SPO11: variants seen among roughly 807,000 people sequenced by gnomAD.
SPO11 encodes the protein meiotic recombination protein SPO11.
Under a neutral mutation model 51.6 loss-of-function variants are expected in SPO11, and 49 were observed. That is an observed-to-expected ratio of 0.95 (90% CI 0.75 to 1.20). The LOEUF is 1.20. Among genes scored for constraint, SPO11 ranks in the 50% most tolerant of loss-of-function variants. The probability of loss-of-function intolerance (pLI) is 0.00; values close to 1 mark genes in which losing one functional copy is unlikely to be tolerated. For missense variants in SPO11, 431 were observed against 473.4 expected (o/e 0.91, Z 0.83); for synonymous variants, 176 against 158.2 (o/e 1.11, Z -0.84).
chr20:57,342,958 A>C (rs2236330), intron 12 of SPO11, 118 bp downstream of exon 12: 10 of 713,338 alleles, frequency 1.4e-5, no homozygotes, highest in South Asian at 7.4e-5. Context: ...CACGACTAAC[A>C]TAAGTGTTGT....
chr20:57,335,880 C>A lies in SPO11; in HGVS notation c.717C>A (p.Asn239Lys). The A allele has an allele frequency of 6.2e-7, 1 of 1,609,460 alleles. No homozygotes were observed. Among genetic ancestry groups the A allele is most frequent in the Non-Finnish European group, 8.5e-7 (1 of 1,176,450 alleles). ...GGCTCCTAGATGACAACTTTTGCAA[C>A]AAATTGTCTCCTTGCATCATGATTA... is the stretch of plus-strand genomic sequence containing the variant. ...FQRLLDDNFC[N>K]KLSPCIMITG... The change falls in exon 8 of 13, where the codon AAC (asparagine) becomes AAA (lysine). Residue 239 changes from asparagine (N) to lysine (K), a missense_variant. Physicochemically the swap from Asn to Lys is moderately conservative, Grantham distance 94 (BLOSUM62 0). This residue lies in a region of SPO11 where 405 missense variants were observed against 425.9 expected (regional missense o/e 0.95). Transcript: ENST00000371263.
Position 57,333,988 on chromosome 20 carries a change from GAC to G in SPO11, c.405_406del (p.Tyr137LeufsTer3). The G allele has an allele frequency of 6.6e-7, 1 of 1,520,096 alleles. No homozygotes were observed. Among genetic ancestry groups the G allele is most frequent in the East Asian group, 2.3e-5 (1 of 43,874 alleles). 94.2% of individuals were successfully genotyped at this position (1,520,096 alleles called of 1,614,324 possible). On this transcript the variant is annotated frameshift_variant and splice_region_variant, in exon 5 of 13. Coordinates refer to ENST00000371263, the MANE Select transcript of SPO11 (RefSeq NM_012444.3). LOFTEE classifies it high-confidence loss of function. Reference protein sequence around the residue: ...VQSNTYATKRDIYYTDSQLFG... With the variant: ...VQSNTYATKRXIYYTDSQLFG... ...AATATGTATTTTAAATTTTCATAGG[GAC>G]ATATATTACACTGACAGTCAACTCT... is the stretch of plus-strand genomic sequence containing the variant.
At chr20:57,334,155 ATTT>A (rs72486602) in intron 5 of SPO11, 60 bp downstream of exon 5, 1,735 of 547,968 alleles carry the variant, frequency 3.2e-3, no homozygotes, top group African/African-American at 0.011. Flanking sequence ...ATAAAACATA[ATTT>A]TTTTTTTTTT....
In SPO11 at chr20:57,331,921, A is replaced by C; in HGVS notation, c.220A>C (p.Asn74His). 2 of 1,598,040 alleles carry C rather than the reference A, an allele frequency of 1.3e-6. No homozygotes were observed. The highest frequency in any genetic ancestry group is 1.7e-4 in the Middle Eastern group (1 of 6,006). Residue 74 changes from asparagine to histidine, a missense_variant, in exon 2 of 13, where the codon AAC becomes CAC. Around this residue, in one of 3 missense-constraint regions of SPO11, gnomAD observed 405 missense variants for 425.9 expected, o/e 0.95. Transcript: ENST00000371263. ...RNEAPAFTIDNRSSWENIKFE... is the reference protein window; with the variant it reads ...RNEAPAFTIDHRSSWENIKFE... ...TGAAGCACCTGCATTCACGATAGAC[A>C]ACAGATCAAGCTGGGAAAACATAAA...
chr20:57,342,590 C>T (rs2066595862), intron 11 of SPO11, 139 bp from the exon 12 acceptor site: 9 of 593,108 alleles, frequency 1.5e-5, no homozygotes, highest in Non-Finnish European at 2.1e-5. Context: ...CCCTTCAATC[C>T]TGGATGTAAG....
intron 12 of SPO11, among the ~76,000 whole-genome samples, chr20:57,343,091 G>A (rs2066603298): frequency 6.6e-6 from 1 of 152,030 alleles, no homozygotes; most frequent in South Asian, 2.1e-4. Context: ...CTGTATCATA[G>A]TTTGTGGGAT....
intron 6 of SPO11, 90 bp from the exon 7 acceptor site, chr20:57,335,329 C>T: frequency 1.8e-6 from 2 of 1,118,960 alleles, no homozygotes; most frequent in East Asian, 2.5e-5. Flanking sequence ...CTGGTATGGT[C>T]AAAGAAAAAT....
At chr20:57,335,746 G>A in intron 7 of SPO11, 52 bp from the exon 8 acceptor site, 1 of 1,107,878 alleles carries the variant, frequency 9.0e-7, no homozygotes, top group East Asian at 2.4e-5. Flanking sequence ...AATTTAGTTG[G>A]TGATTAAATT....
At chr20:57,336,687 A>G (rs956330400) in intron 8 of SPO11, among the ~76,000 whole-genome samples, 13 of 152,170 alleles carry the variant, frequency 8.5e-5, no homozygotes, top group African/African-American at 2.9e-4. Context: ...AGGAAGAGCC[A>G]TTTTTCACCA....
In SPO11 at chr20:57,334,029, T is replaced by G. The variant is rs16980893; in HGVS notation, c.444T>G (p.Thr148=). 41,155 of 1,588,822 alleles carry G rather than the reference T, an allele frequency of 0.026. 757 individuals carry two copies. The highest frequency in any genetic ancestry group is 0.087 in the African/African-American group (6,472 of 74,254). ...ACAGTCAACTCTTTGGTAACCAGAC[T>G]GTCGTCGACAATATTATCAATGACA... ...YTDSQLFGNQ[T]VVDNIINDIS... The change falls in exon 5 of 13, where the codon ACT becomes ACG. Residue 148 remains threonine, a synonymous_variant. Transcript: ENST00000371263.
At chr20:57,330,124 C>T in intron 1 of SPO11, 126 bp downstream of exon 1, 6 of 1,334,152 alleles carry the variant, frequency 4.5e-6, no homozygotes, top group Non-Finnish European at 5.9e-6. Flanking sequence ...AGCCAGGAAC[C>T]CCCAAAAAGA....
intron 9 of SPO11, 71 bp downstream of exon 9, chr20:57,338,446 C>T (rs1468871421): frequency 9.6e-4 from 881 of 914,700 alleles, no homozygotes; most frequent in Middle Eastern, 1.4e-3. Context: ...TTTTCTTCCT[C>T]TTTTTTTTTT....
chr20:57,330,882 T>C (rs2066441108), intron 1 of SPO11, among the ~76,000 whole-genome samples: 1 of 152,222 alleles, frequency 6.6e-6, no homozygotes, highest in Admixed American at 6.5e-5. Context: ...TAAAGTTGGT[T>C]ACAGTATTAT....
At chr20:57,340,266 A>C in intron 11 of SPO11, 88 bp downstream of exon 11, 1 of 788,656 alleles carries the variant, frequency 1.3e-6, no homozygotes, top group East Asian at 2.5e-5. Flanking sequence ...TACAAGGGAA[A>C]GCTCTTAATG....
intron 10 of SPO11, among the ~76,000 whole-genome samples, chr20:57,339,576 C>T (rs1443833176): frequency 6.6e-6 from 1 of 152,108 alleles, no homozygotes; most frequent in Non-Finnish European, 1.5e-5. Context: ...GTGGGATCCT[C>T]CAAGCATTCT....
At position 57,340,385 on chromosome 20, in the gene SPO11, T is replaced by C. The variant is rs767148711; in HGVS notation, c.959+207T>C. 3.9e-4 allele frequency among the ~76,000 whole-genome samples: 60 copies of C among 152,364 alleles called. 1 individual carries two copies. Among genetic ancestry groups the C allele is most frequent in the Admixed American group, 1.0e-3 (16 of 15,314 alleles). ...ATATTTAACACATGAATTTGGTTAATGTGTTACACTTTCAGCTAGCTAAAA... is the reference window on the plus strand; with the variant it reads ...ATATTTAACACATGAATTTGGTTAACGTGTTACACTTTCAGCTAGCTAAAA... On this transcript the variant is annotated intron_variant, in intron 11 of 12. Coordinates refer to ENST00000371263, the MANE Select transcript of SPO11 (RefSeq NM_012444.3).
At position 57,334,041 on chromosome 20, in the gene SPO11, T is replaced by C. The variant is rs1281146307; in HGVS notation, c.456T>C (p.Asn152=). 1.3e-6 allele frequency: 2 copies of C among 1,591,928 alleles called. No individual in the cohort carries two copies. The highest frequency in any genetic ancestry group is 3.4e-5 in the Admixed American group (2 of 59,334). The change falls in exon 5 of 13, where the codon AAT becomes AAC. Residue 152 remains asparagine, a synonymous_variant. Transcript: ENST00000371263. ...QLFGNQTVVD[N]IINDISCMLK... ...TTGGTAACCAGACTGTCGTCGACAA[T>C]ATTATCAATGACATTTCTTGCATGT...
chr20:57,329,849 C>A lies in SPO11; in HGVS notation c.-19C>A. The A allele has an allele frequency of 6.2e-7, 1 of 1,604,314 alleles. No individual in the cohort carries two copies. The highest frequency in any genetic ancestry group is 8.5e-7 in the Non-Finnish European group (1 of 1,174,216). Reference sequence around the variant, plus strand: ...CCTAGGACAGGGGCTTCTGGAGCTTCTGGCAGCCGTCTGCCCTCATGGCCT... The same window carrying A: ...CCTAGGACAGGGGCTTCTGGAGCTTATGGCAGCCGTCTGCCCTCATGGCCT... On this transcript the variant is annotated 5_prime_UTR_variant, in exon 1 of 13. The change creates a new upstream start codon in the 5' untranslated region. Transcript: ENST00000371263.
Position 57,333,708 on chromosome 20 carries a change from C to A in SPO11, c.356C>A (p.Ser119Tyr), listed in dbSNP as rs201937576. 6.6e-7 allele frequency: 1 copy of A among 1,508,866 alleles called. No individual in the cohort carries two copies. Among genetic ancestry groups the A allele is most frequent in the Non-Finnish European group, 9.2e-7 (1 of 1,091,802 alleles). The allele number at this position is 1,508,866 out of a possible 1,614,324, so 93.5% of individuals were successfully genotyped here. ...CCAGCTCTAATCCTTAAAATATTGT[C>A]CATGATTTATAAATTAGTACAGAGC... ...QKFSLILKIL[S>Y]MIYKLVQSNT... The change falls in exon 4 of 13, where the codon TCC becomes TAC. Residue 119 changes from serine to tyrosine, a missense_variant. Transcript: ENST00000371263.
Sources: allele counts gnomAD v4.1 joint callset (sites outside exome capture counted in the v4.1 genomes callset), GRCh38; gene constraint gnomAD v4.1.1; regional missense constraint gnomAD v4.1.1; transcripts MANE v1.5; gene names NCBI Gene and HGNC (gene_info 2026-07-23, HGNC 2026-07-21).